The following PTPRD variants were observed in gnomAD, a reference collection of about 807,000 sequenced individuals.
The protein encoded by PTPRD is receptor-type tyrosine-protein phosphatase delta.
Under a neutral mutation model 214.5 loss-of-function variants are expected in PTPRD, and 34 were observed. The observed-to-expected ratio is 0.16, with a 90% CI of 0.12 to 0.21. PTPRD has a LOEUF of 0.21. PTPRD is among the 10% of genes least tolerant of loss of function. PTPRD has a pLI of 1.00. For synonymous variants in PTPRD, 1,128 were observed against 845.7 expected (o/e 1.33, Z -5.79); for missense variants, 2,545 against 2,398.7 (o/e 1.06, Z -1.27).
At chr9:10,004,349 C>A (rs987786846) in intron 4 of PTPRD, among the ~76,000 whole-genome samples, 1 of 151,722 alleles carries the variant, frequency 6.6e-6, no homozygotes, top group Non-Finnish European at 1.5e-5. Flanking sequence ...AAAGTCATTT[C>A]AAAAAACTAT....
At chr9:8,848,555 G>A (rs1357124725) in intron 11 of PTPRD, among the ~76,000 whole-genome samples, 4 of 149,426 alleles carry the variant, frequency 2.7e-5, no homozygotes, top group Non-Finnish European at 4.4e-5. Flanking sequence ...ATGTTGCCCA[G>A]GCTGGTCTTA....
intron 12 of PTPRD, among the ~76,000 whole-genome samples, chr9:8,651,805 T>G (rs994667320): frequency 6.6e-6 from 1 of 151,906 alleles, no homozygotes; most frequent in African/African-American, 2.4e-5. Context: ...TTTGTGAACA[T>G]GAATATGCAT....
In PTPRD at chr9:9,365,363, C is replaced by G. The variant is rs139175871; in HGVS notation, c.-203+32086G>C. On this transcript the variant is annotated intron_variant, in intron 9 of 45. Coordinates refer to ENST00000381196, the MANE Select transcript of PTPRD (RefSeq NM_002839.4). ...TAGTTGGTATTAGCCTTAATAGAGA[C>G]TAAAGATTATTTTTATGCACTGAAG... Among the ~76,000 whole-genome samples the G allele has an allele frequency of 4.4e-3, 662 of 151,616 alleles. 2 individuals are homozygous for G. The highest frequency in any genetic ancestry group is 0.014 in the African/African-American group (585 of 41,466).
chr9:9,278,606 G>C (rs1285097374), intron 9 of PTPRD, among the ~76,000 whole-genome samples: 1 of 151,276 alleles, frequency 6.6e-6, no homozygotes, highest in Admixed American at 6.6e-5. Context: ...TGAGTAGAGA[G>C]GTGATACTTG....
At chr9:8,682,985 C>T (rs962759114) in intron 12 of PTPRD, among the ~76,000 whole-genome samples, 5 of 152,108 alleles carry the variant, frequency 3.3e-5, no homozygotes, top group Non-Finnish European at 7.4e-5. Context: ...TGTCTAAAGG[C>T]TTTTAAACCT....
intron 5 of PTPRD, among the ~76,000 whole-genome samples, chr9:9,798,284 A>T (rs900307033): frequency 6.6e-6 from 1 of 152,214 alleles, no homozygotes; most frequent in Admixed American, 6.5e-5. Context: ...TATTTATTTA[A>T]TATGAGTTTT....
At chr9:10,490,084 A>G (rs1443989071) in intron 2 of PTPRD, among the ~76,000 whole-genome samples, 2 of 152,172 alleles carry the variant, frequency 1.3e-5, no homozygotes, top group East Asian at 3.9e-4. Context: ...CCATTCTCCC[A>G]TCTTTCTCCT....
Position 9,019,301 on chromosome 9 carries a change from A to AAAGAAAGAAAGAAAGAAAGAAAGG in PTPRD, c.-142-567_-142-566insCCTTTCTTTCTTTCTTTCTTTCTT, listed in dbSNP as rs1569428340. On this transcript the variant is annotated intron_variant, in intron 10 of 45. Coordinates refer to ENST00000381196, the MANE Select transcript of PTPRD (RefSeq NM_002839.4). ...AGAAAGAAGAAAGAAAGAAAGAAAGAAAGAAAGAAAGAAAGAAAGAAAGAA... is the reference window on the plus strand; with the variant it reads ...AGAAAGAAGAAAGAAAGAAAGAAAGAAAGAAAGAAAGAAAGAAAGAAAGGAAGAAAGAAAGAAAGAAAGAAAGAA... 4.4e-4 allele frequency among the ~76,000 whole-genome samples: 31 copies of AAAGAAAGAAAGAAAGAAAGAAAGG among 70,744 alleles called. 1 individual carries two copies. Among genetic ancestry groups the AAAGAAAGAAAGAAAGAAAGAAAGG allele is most frequent in the African/African-American group, 1.5e-3 (26 of 17,486 alleles). The allele number at this position is 70,744 out of a possible 152,430, so 46.4% of individuals were successfully genotyped here. A position where few individuals can be genotyped will look rare whatever the true frequency, so the allele number is the denominator to read the frequency against.
At chr9:8,989,408 T>G (rs1174767977) in intron 11 of PTPRD, among the ~76,000 whole-genome samples, 4 of 152,040 alleles carry the variant, frequency 2.6e-5, no homozygotes, top group African/African-American at 9.7e-5. Flanking sequence ...CTATTCTCTA[T>G]CTCTATGAAA....
chr9:10,399,542 C>T (rs867727171), intron 2 of PTPRD, among the ~76,000 whole-genome samples: 1 of 151,814 alleles, frequency 6.6e-6, no homozygotes, highest in Non-Finnish European at 1.5e-5. Flanking sequence ...TTTTAAGAGG[C>T]TTCATGAAGC....
At chr9:10,443,275 T>G (rs1005500905) in intron 2 of PTPRD, among the ~76,000 whole-genome samples, 2 of 151,590 alleles carry the variant, frequency 1.3e-5, no homozygotes, top group Non-Finnish European at 3.0e-5. Flanking sequence ...TTTTCTACCT[T>G]GTGGAACTAT....
chr9:9,691,975 G>A (rs2097280192), intron 7 of PTPRD, among the ~76,000 whole-genome samples: 1 of 152,090 alleles, frequency 6.6e-6, no homozygotes, highest in Admixed American at 6.6e-5. Context: ...CAGATTATGA[G>A]ATCTTTTCCT....
At chr9:9,499,323 GATC>G (rs1354516436) in intron 8 of PTPRD, among the ~76,000 whole-genome samples, 6 of 152,054 alleles carry the variant, frequency 3.9e-5, no homozygotes, top group Non-Finnish European at 8.8e-5. Context: ...GGCAGGGAAA[GATC>G]ATGAATTCTG....
chr9:10,260,236 A>C (rs1425316654), intron 3 of PTPRD, among the ~76,000 whole-genome samples: 1 of 152,222 alleles, frequency 6.6e-6, no homozygotes, highest in Non-Finnish European at 1.5e-5. Context: ...CATGTCCAGA[A>C]TGTGGGTCAG....
At chr9:8,892,724 T>A (rs867674894) in intron 11 of PTPRD, among the ~76,000 whole-genome samples, 14 of 144,738 alleles carry the variant, frequency 9.7e-5, no homozygotes, top group African/African-American at 3.3e-4. Flanking sequence ...TGTGTATATA[T>A]ATATATATGT....
At chr9:10,233,045 T>C (rs542965291) in intron 3 of PTPRD, among the ~76,000 whole-genome samples, 1 of 152,152 alleles carries the variant, frequency 6.6e-6, no homozygotes, top group East Asian at 1.9e-4. Flanking sequence ...CAGTAGCATA[T>C]GTGAAGCTCC....
intron 11 of PTPRD, among the ~76,000 whole-genome samples, chr9:8,923,040 TC>T (rs200652700): frequency 2.8e-5 from 2 of 70,744 alleles, no homozygotes; most frequent in African/African-American, 1.4e-4. Context: ...TTTTTGTCTG[TC>T]TTTTTTTTTG....
chr9:9,135,138 C>T (rs936721430), intron 10 of PTPRD, among the ~76,000 whole-genome samples: 9 of 152,046 alleles, frequency 5.9e-5, no homozygotes, highest in African/African-American at 2.2e-4. Context: ...ATAACTTTAC[C>T]TAAGTTTAAA....
intron 2 of PTPRD, among the ~76,000 whole-genome samples, chr9:10,377,556 C>T (rs1247508170): frequency 3.3e-5 from 5 of 151,658 alleles, no homozygotes; most frequent in Non-Finnish European, 5.9e-5. Flanking sequence ...TTTTTTTGTC[C>T]TTGCAATAGT....
Sources: allele counts gnomAD v4.1 joint callset (sites outside exome capture counted in the v4.1 genomes callset), GRCh38; gene constraint gnomAD v4.1.1; transcripts MANE v1.5; gene names NCBI Gene and HGNC (gene_info 2026-07-23, HGNC 2026-07-21).